RBL2: variants seen among roughly 807,000 people sequenced by gnomAD.
The protein encoded by RBL2 is retinoblastoma-like protein 2.
RBL2 carries 56 observed loss-of-function variants against 126.0 expected under a neutral mutation model. That is an observed-to-expected ratio of 0.44 (90% confidence interval 0.36 to 0.56). RBL2 has a LOEUF of 0.56. Ranked by LOEUF, RBL2 falls within the 20% of genes least tolerant of loss-of-function variation. The probability of loss-of-function intolerance (pLI) is 0.00; values close to 1 mark genes in which losing one functional copy is unlikely to be tolerated. For synonymous variants in RBL2, 454 were observed against 478.5 expected, an observed-to-expected ratio of 0.95 and a Z score of 0.67; for missense variants, 1,229 against 1,398.2, an observed-to-expected ratio of 0.88 and a Z score of 1.93.
intron 8 of RBL2, among the ~76,000 whole-genome samples, chr16:53,458,605 A>T (rs1242487390): frequency 6.6e-6 from 1 of 152,228 alleles, no homozygotes; most frequent in Non-Finnish European, 1.5e-5. Flanking sequence ...TGGTGGGTGT[A>T]TTAATTCATT....
intron 17 of RBL2, chr16:53,478,891 G>C: frequency 5.6e-6 from 2 of 358,622 alleles, no homozygotes; most frequent in Non-Finnish European, 1.0e-5. Flanking sequence ...CAAAGTGCTG[G>C]GATTACAGGT....
Position 53,480,774 on chromosome 16 carries a change from G to C in RBL2, c.3084+5G>C. ...ATGAAGTACTCACAGGCAAATGTAA[G>C]TATGACAGGGATTATTTCATACTTT... On this transcript the variant is annotated splice_donor_5th_base_variant and intron_variant, in intron 20 of 21. Coordinates refer to ENST00000262133, the MANE Select transcript of RBL2 (RefSeq NM_005611.4). The C allele has an allele frequency of 6.2e-7, 1 of 1,607,178 alleles. No homozygotes were observed. Among genetic ancestry groups the C allele is most frequent in the Non-Finnish European group, 8.5e-7 (1 of 1,175,272 alleles).
In RBL2 at chr16:53,466,921, A is replaced by G. The variant is rs1023503534; in HGVS notation, c.1864-137A>G. Reference sequence around the variant, plus strand: ...CAAAAGTTTTTTTTTTAACTTTATTATTAAAATGGGAAAGACAGCTGATTT... The same window carrying G: ...CAAAAGTTTTTTTTTTAACTTTATTGTTAAAATGGGAAAGACAGCTGATTT... On this transcript the variant is annotated intron_variant, in intron 13 of 21. Transcript: ENST00000262133. The G allele has an allele frequency of 2.8e-5, 19 of 678,272 alleles. 1 individual carries two copies. The Admixed American group carries it at 5.7e-4, about 20-fold the overall frequency. The allele number at this position is 678,272 out of a possible 1,614,324, so 42.0% of individuals were successfully genotyped here. A position where few individuals can be genotyped will look rare whatever the true frequency, so the allele number is the denominator to read the frequency against.
chr16:53,460,823 A>T, intron 9 of RBL2, among the ~76,000 whole-genome samples: 1 of 152,166 alleles, frequency 6.6e-6, no homozygotes. Flanking sequence ...CACAAAGAAT[A>T]TGTATATAAT....
intron 4 of RBL2, among the ~76,000 whole-genome samples, chr16:53,450,570 GATAATA>G (rs2153140670): frequency 6.6e-6 from 1 of 152,206 alleles, no homozygotes; most frequent in East Asian, 1.9e-4. Flanking sequence ...AGAAAATTAA[GATAATA>G]ATAAAATGGT....
At chr16:53,477,816 T>C (rs1355168278) in intron 17 of RBL2, among the ~76,000 whole-genome samples, 2 of 152,076 alleles carry the variant, frequency 1.3e-5, no homozygotes, top group East Asian at 3.8e-4. Flanking sequence ...ATACAATTGA[T>C]TTTTTAATCA....
intron 11 of RBL2, 92 bp from the exon 12 acceptor site, chr16:53,464,134 C>T: frequency 9.2e-7 from 1 of 1,082,232 alleles, no homozygotes; most frequent in Non-Finnish European, 1.3e-6. Context: ...GAAAATGAGA[C>T]TTTCTTTGGT....
chr16:53,457,412 A>C (rs961665844), intron 8 of RBL2, among the ~76,000 whole-genome samples: 1 of 151,604 alleles, frequency 6.6e-6, no homozygotes, highest in African/African-American at 2.4e-5. Flanking sequence ...GGTGCCTGCC[A>C]CCATGCCCAG....
At chr16:53,472,065 T>C (rs1960543831) in intron 17 of RBL2, among the ~76,000 whole-genome samples, 1 of 152,204 alleles carries the variant, frequency 6.6e-6, no homozygotes, top group Non-Finnish European at 1.5e-5. Flanking sequence ...ATTTTCCAGG[T>C]TTACCCATGT....
Position 53,470,775 on chromosome 16 carries a change from G to T in RBL2, c.2556G>T (p.Arg852=), listed in dbSNP as rs144971281. Residue 852 remains arginine (R), a synonymous_variant, in exon 17 of 22, where the codon CGG becomes CGT. Transcript: ENST00000262133. The stretch of plus-strand genomic sequence containing the variant: ...ACCATTTAGCAGCTGTCCGCCTTCG[G>T]GATCTCTGTGCCAAACTAGATATTT... ...KVYHLAAVRL[R]DLCAKLDISD... 6.2e-7 allele frequency: 1 copy of T among 1,614,090 alleles called. No individual in the cohort carries two copies. The highest frequency in any genetic ancestry group is 1.7e-5 in the Admixed American group (1 of 60,004).
intron 21 of RBL2, among the ~76,000 whole-genome samples, chr16:53,486,126 A>AAAG (rs1491332522): frequency 2.9e-5 from 1 of 34,908 alleles, no homozygotes; most frequent in African/African-American, 2.3e-4. Flanking sequence ...CTTGTCTCTG[A>AAAG]AAAAAAAAAA....
In RBL2 at chr16:53,470,045, C is replaced by T; in HGVS notation, c.2105C>T (p.Pro702Leu). 1.2e-6 allele frequency: 2 copies of T among 1,614,240 alleles called. No homozygotes were observed. Among genetic ancestry groups the T allele is most frequent in the East Asian group, 4.5e-5 (2 of 44,880 alleles). Residue 702 changes from proline (P) to leucine (L), a missense_variant, in exon 15 of 22, where the codon CCC becomes CTC. By Grantham distance (98) the Pro-to-Leu change is moderately conservative (BLOSUM62 -3). Coordinates refer to ENST00000262133, the MANE Select transcript of RBL2 (RefSeq NM_005611.4). ...ACGCCTGGGCGCATGCCCCCACAGC[C>T]CCTAGTCAATGCTGTCCCTGTGCAG... ...GGTPGRMPPQ[P>L]LVNAVPVQNV...
At chr16:53,463,507 G>A (rs1162563362) in intron 11 of RBL2, among the ~76,000 whole-genome samples, 1 of 148,514 alleles carries the variant, frequency 6.7e-6, no homozygotes, top group Non-Finnish European at 1.5e-5. Context: ...CTTCCAAAGT[G>A]CTGGAATTAC....
intron 2 of RBL2, among the ~76,000 whole-genome samples, chr16:53,441,811 G>GTTTCTT (rs764807538): frequency 3.3e-5 from 5 of 151,984 alleles, no homozygotes; most frequent in South Asian, 2.1e-4. Flanking sequence ...AATTTTGACT[G>GTTTCTT]TTTCTTTTTC....
intron 1 of RBL2, among the ~76,000 whole-genome samples, chr16:53,436,083 G>T (rs2057955855): frequency 6.6e-6 from 1 of 152,338 alleles, no homozygotes; most frequent in South Asian, 2.1e-4. Flanking sequence ...TGATCTGGCT[G>T]AGTAAGCTAT....
chr16:53,437,655 AT>A (rs2057971243), intron 1 of RBL2, among the ~76,000 whole-genome samples: 1 of 152,240 alleles, frequency 6.6e-6, no homozygotes, highest in African/African-American at 2.4e-5. Flanking sequence ...TTGATTAGGT[AT>A]AAAATTAGTG....
intron 21 of RBL2, 132 bp downstream of exon 21, chr16:53,481,967 A>T: frequency 9.4e-7 from 1 of 1,058,832 alleles, no homozygotes; most frequent in Non-Finnish European, 1.4e-6. Flanking sequence ...GTCAGTCCTC[A>T]TGAAGCAAAA....
chr16:53,472,338 G>A (rs766293078), intron 17 of RBL2, among the ~76,000 whole-genome samples: 3 of 152,234 alleles, frequency 2.0e-5, no homozygotes, highest in Non-Finnish European at 4.4e-5. Flanking sequence ...AAGAACCACC[G>A]TACCATTTTC....
chr16:53,491,110 G>A lies in RBL2; in HGVS notation c.*810G>A, dbSNP rs1209881572. On this transcript the variant is annotated 3_prime_UTR_variant, in exon 22 of 22. Coordinates refer to ENST00000262133, the MANE Select transcript of RBL2 (RefSeq NM_005611.4). ...GTTAAAACCCCTATAGCCACCTTTTGGGAATGTTTTAAATTCTCCAGTTTT... is the reference window on the plus strand; with the variant it reads ...GTTAAAACCCCTATAGCCACCTTTTAGGAATGTTTTAAATTCTCCAGTTTT... The A allele has an allele frequency of 6.6e-6, 1 of 152,410 alleles. No individual in the cohort carries two copies. The highest frequency in any genetic ancestry group is 2.4e-5 in the African/African-American group (1 of 41,364). 9.4% of individuals were successfully genotyped at this position (152,410 alleles called of 1,614,324 possible). A position where few individuals can be genotyped will look rare whatever the true frequency, so the allele number is the denominator to read the frequency against.
Sources: allele counts gnomAD v4.1 joint callset (sites outside exome capture counted in the v4.1 genomes callset), GRCh38; gene constraint gnomAD v4.1.1; transcripts MANE v1.5; gene names NCBI Gene and HGNC (gene_info 2026-07-23, HGNC 2026-07-21).